Variants in GC observed in about 807,000 individuals in gnomAD.
GC encodes GC vitamin D binding protein, also known as vitamin D-binding protein.
Under a neutral mutation model 56.7 loss-of-function variants are expected in GC, and 43 were observed. The ratio of observed to expected loss-of-function variants is 0.76; its 90% confidence interval spans 0.59 to 0.98. GC has a LOEUF of 0.98. Among genes scored for constraint, GC ranks in the 50% least tolerant of loss-of-function variants. The pLI, the probability that GC is intolerant of heterozygous loss-of-function variation, is 0.00. For missense variants in GC, 529 were observed against 545.9 expected (o/e 0.97, Z 0.31); for synonymous variants, 216 against 202.7 (o/e 1.07, Z -0.56).
intron 1 of GC, among the ~76,000 whole-genome samples, chr4:71,801,709 CT>C: frequency 6.6e-6 from 1 of 152,130 alleles, no homozygotes; most frequent in East Asian, 1.9e-4. Flanking sequence ...TATATATAAA[CT>C]TTGCCTATAA....
intron 1 of GC, among the ~76,000 whole-genome samples, chr4:71,778,518 A>G (rs1742577188): frequency 6.6e-6 from 1 of 151,922 alleles, no homozygotes; most frequent in Admixed American, 6.6e-5. Context: ...ATTCAGCTCC[A>G]GTTCATCATT....
rs550210349 is a variant in GC, at chr4:71,756,309, A to G, written c.1034+403T>C. ...ATTGTATGCAAATATGTGTTTTCAC[A>G]TTTACTTTCACTTACATTTCTACAT... On this transcript the variant is annotated intron_variant, in intron 8 of 12. Coordinates refer to ENST00000273951, the MANE Select transcript of GC (RefSeq NM_000583.4). 2.0e-5 allele frequency among the ~76,000 whole-genome samples: 3 copies of G among 152,326 alleles called. No individual in the cohort carries two copies. In the East Asian group the frequency reaches 5.8e-4, roughly 29 times the overall value.
At chr4:71,756,096 T>G (rs909539313) in intron 8 of GC, among the ~76,000 whole-genome samples, 1 of 79,148 alleles carries the variant, frequency 1.3e-5, no homozygotes, top group African/African-American at 2.9e-5. Flanking sequence ...AAATGAATAT[T>G]GATAATGCTA....
intron 11 of GC, among the ~76,000 whole-genome samples, chr4:71,749,039 T>C (rs1007488250): frequency 1.3e-5 from 2 of 152,296 alleles, no homozygotes; most frequent in Non-Finnish European, 2.9e-5. Context: ...CAAACAGATG[T>C]TGCACTAAAG....
rs1232905264 is a variant in GC at position 71,758,095 on chromosome 4, T to C, written c.778A>G (p.Asn260Asp). ...DVLPLAEDIT[N>D]ILSKCCESAS... is the part of the protein sequence containing the mutation. Reference sequence around the variant, plus strand: ...GACTCACAGCATTTGGAGAGGATGTTAGTAATATCTTCAGCTAGTGGCAAA... The same window carrying C: ...GACTCACAGCATTTGGAGAGGATGTCAGTAATATCTTCAGCTAGTGGCAAA... The change falls in exon 7 of 13, where the codon AAC (asparagine) becomes GAC (aspartate). Residue 260 changes from asparagine (N) to aspartate (D), a missense_variant. Transcript: ENST00000273951. 5.6e-6 allele frequency: 9 copies of C among 1,613,492 alleles called. No homozygotes were observed. The highest frequency in any genetic ancestry group is 1.7e-4 in the Middle Eastern group (1 of 6,056).
chr4:71,801,146 TC>T (rs1250795044), intron 1 of GC, among the ~76,000 whole-genome samples: 6 of 151,812 alleles, frequency 4.0e-5, no homozygotes, highest in Non-Finnish European at 5.9e-5. Flanking sequence ...AGACAAATAA[TC>T]CAAATTTTTA....
chr4:71,767,966 T>G (rs1470992055), intron 3 of GC, among the ~76,000 whole-genome samples: 2 of 152,160 alleles, frequency 1.3e-5, no homozygotes, highest in African/African-American at 2.4e-5. Context: ...TGGGCTGATA[T>G]TTGAGAAGAT....
Position 71,756,737 on chromosome 4 carries a change from G to T in GC, c.1009C>A (p.Pro337Thr). Residue 337 changes from proline to threonine, a missense_variant, in exon 8 of 13, where the codon CCA becomes ACA. By Grantham distance (38) the Pro-to-Thr change is conservative. Coordinates refer to ENST00000273951, the MANE Select transcript of GC (RefSeq NM_000583.4). The part of the protein sequence containing the change: ...ELPTNKDVCD[P>T]GNTKVMDKYT... ...TTATCCATGACTTTGGTGTTTCCTG[G>T]ATCACACACATCTTTGTTTGTGGGC... is the stretch of plus-strand genomic sequence containing the variant. 1 of 1,613,200 alleles carries T rather than the reference G, an allele frequency of 6.2e-7. No homozygotes were observed. The highest frequency in any genetic ancestry group is 8.5e-7 in the Non-Finnish European group (1 of 1,179,268).
upstream of GC, chr4:71,804,115 G>A (rs1283098784): frequency 4.7e-6 from 3 of 643,142 alleles, no homozygotes; most frequent in African/African-American, 1.8e-5. Flanking sequence ...TTATATGCCA[G>A]GTCTGTCCCA....
intron 1 of GC, among the ~76,000 whole-genome samples, chr4:71,772,537 TA>T (rs1272636062): frequency 6.6e-6 from 1 of 152,176 alleles, no homozygotes; most frequent in East Asian, 1.9e-4. Flanking sequence ...CACTGCATGT[TA>T]TCCCATTAAA....
intron 12 of GC, among the ~76,000 whole-genome samples, chr4:71,745,533 A>T (rs543382626): frequency 2.2e-4 from 34 of 152,318 alleles, no homozygotes; most frequent in African/African-American, 7.9e-4. Flanking sequence ...CAAAAGTCTC[A>T]GGTGTAATTT....
intron 6 of GC, among the ~76,000 whole-genome samples, chr4:71,762,888 G>A (rs1041473378): frequency 1.3e-5 from 2 of 152,012 alleles, no homozygotes; most frequent in African/African-American, 2.4e-5. Context: ...CCCCAGTTTC[G>A]GGTATGTCTT....
chr4:71,784,215 A>C (rs975957557), upstream of GC: 1 of 1,271,256 alleles, frequency 7.9e-7, no homozygotes, highest in Non-Finnish European at 1.0e-6. Flanking sequence ...AAGAGATAAA[A>C]TAATATCAAT....
intron 1 of GC, among the ~76,000 whole-genome samples, chr4:71,796,026 G>A (rs532376910): frequency 9.2e-5 from 14 of 152,268 alleles, no homozygotes; most frequent in South Asian, 6.2e-4. Context: ...TGAGAGATCC[G>A]CTGTTAGTGT....
At position 71,791,264 on chromosome 4, in the gene GC, ATT is replaced by A. The variant is rs1441798196; in HGVS notation, c.22-7212_22-7211del. On this transcript the variant is annotated intron_variant, in intron 1 of 13. Transcript: ENST00000504199. ...CATAAACTTTTCTTTCAAAGCTATT[ATT>A]TTTGCTTAAAAGTTTTTTTGCACTA... 7.9e-5 allele frequency among the ~76,000 whole-genome samples: 12 copies of A among 151,924 alleles called. No homozygotes were observed. The East Asian group carries it at 2.3e-3, about 29-fold the overall frequency.
chr4:71,797,782 G>C (rs1014422426), intron 1 of GC, among the ~76,000 whole-genome samples: 1 of 152,184 alleles, frequency 6.6e-6, no homozygotes, highest in Non-Finnish European at 1.5e-5. Flanking sequence ...GACCAGAGCT[G>C]TTCCCATTCG....
At chr4:71,789,381 A>C (rs1742918617) in intron 1 of GC, among the ~76,000 whole-genome samples, 1 of 152,020 alleles carries the variant, frequency 6.6e-6, no homozygotes, top group East Asian at 1.9e-4. Context: ...AGCTTCTAAT[A>C]ATGCTGTTTT....
chr4:71,778,033 T>C (rs1309976778), intron 1 of GC, among the ~76,000 whole-genome samples: 2 of 148,290 alleles, frequency 1.3e-5, no homozygotes, highest in Non-Finnish European at 3.0e-5. Context: ...TTAAAGTTTA[T>C]ATATATATAA....
chr4:71,764,026 A>G, intron 4 of GC, 90 bp from the exon 5 acceptor site: 1 of 956,110 alleles, frequency 1.0e-6, no homozygotes. Context: ...CCTGTCATCT[A>G]GGCTGGAGTA....
Sources: allele counts gnomAD v4.1 joint callset (sites outside exome capture counted in the v4.1 genomes callset), GRCh38; gene constraint gnomAD v4.1.1; transcripts MANE v1.5; gene names NCBI Gene and HGNC (gene_info 2026-07-23, HGNC 2026-07-21).